The following PROSER3 variants were observed in gnomAD, a reference collection of about 807,000 sequenced individuals.
PROSER3 encodes proline and serine rich 3.
Under a neutral mutation model 50.2 loss-of-function variants are expected in PROSER3, and 33 were observed. The ratio of observed to expected loss-of-function variants is 0.66; its 90% CI spans 0.50 to 0.88. PROSER3 has a LOEUF of 0.88. Ranked by LOEUF, PROSER3 falls within the 40% of genes least tolerant of loss-of-function variation. PROSER3 has a pLI of 0.00. For synonymous variants in PROSER3, 266 were observed against 259.3 expected, an observed-to-expected ratio of 1.03 and a Z score of -0.25; for missense variants, 623 against 612.7, an observed-to-expected ratio of 1.02 and a Z score of -0.18.
At chr19:35,766,800 A>C (rs982307860) in exon 8 of PROSER3, 6 of 1,547,716 alleles carry the variant, frequency 3.9e-6, no homozygotes, top group East Asian at 4.9e-5. Flanking sequence ...CCAGACCCCC[A>C]CCCCTGCTCC....
chr19:35,766,768 C>T (rs1461796153), exon 8 of PROSER3: 3 of 1,546,314 alleles, frequency 1.9e-6, no homozygotes, highest in East Asian at 2.4e-5. Flanking sequence ...CCCCCTACAG[C>T]ATCCCCGGCA....
At chr19:35,763,906 G>C (rs1417665813) in intron 5 of PROSER3, among the ~76,000 whole-genome samples, 1 of 148,802 alleles carries the variant, frequency 6.7e-6, no homozygotes, top group African/African-American at 2.5e-5. Context: ...TGCAACCTTC[G>C]CCTCCTGAGT....
chr19:35,768,362 T>C (rs780741151), intron 10 of PROSER3, 42 bp from the exon 11 acceptor site: 2 of 1,585,770 alleles, frequency 1.3e-6, no homozygotes, highest in South Asian at 2.2e-5. Flanking sequence ...ATTCTAAGCC[T>C]GAGCACATAC....
chr19:35,761,048 A>G (rs868349015), intron 3 of PROSER3, among the ~76,000 whole-genome samples: 2 of 152,208 alleles, frequency 1.3e-5, no homozygotes, highest in Admixed American at 6.5e-5. Flanking sequence ...GACACAGGTT[A>G]CTTCTGTCTT....
exon 11 of PROSER3, chr19:35,768,436 A>G (rs758053604): frequency 1.3e-6 from 2 of 1,597,772 alleles, no homozygotes; most frequent in Middle Eastern, 1.7e-4. Flanking sequence ...TTCCTGTTGG[A>G]CCAGGCTGAA....
chr19:35,762,103 G>A lies in PROSER3; in HGVS notation c.396G>A (p.Trp132Ter). ...GCCCAACCCCAGCTGACTTTTGGTG[G>A]CTGCAGTCTGACTCTCCAGACCCCA... is the stretch of plus-strand genomic sequence containing the variant. The change falls in exon 4 of 11, where the codon TGG becomes TGA. Residue 132 changes from tryptophan (W) to a stop codon, truncating the protein, a stop_gained. Transcript: ENST00000396908. LOFTEE classifies it high-confidence loss of function. 6.2e-7 allele frequency: 1 copy of A among 1,609,992 alleles called. No homozygotes were observed. The highest frequency in any genetic ancestry group is 2.2e-5 in the East Asian group (1 of 44,726).
At chr19:35,767,570 C>T in intron 8 of PROSER3, 1 of 573,448 alleles carries the variant, frequency 1.7e-6, no homozygotes, top group Non-Finnish European at 3.1e-6. Flanking sequence ...GAGCAGAGCC[C>T]CTCGCCCAGA....
exon 5 of PROSER3, chr19:35,762,309 G>A (rs117581172): frequency 1.3e-5 from 21 of 1,611,054 alleles, no homozygotes; most frequent in African/African-American, 2.7e-5. Flanking sequence ...TGCGGTCAAC[G>A]TGACCAGTGC....
At chr19:35,765,384 G>A (rs895951973) in intron 7 of PROSER3, among the ~76,000 whole-genome samples, 3 of 152,150 alleles carry the variant, frequency 2.0e-5, no homozygotes, top group Non-Finnish European at 2.9e-5. Context: ...CCAATGTGGC[G>A]AAACCCGGTA....
In PROSER3 at chr19:35,767,053, C is replaced by T. The variant is rs1461392870; in HGVS notation, c.957+98C>T. 3 of 1,369,738 alleles carry T rather than the reference C, an allele frequency of 2.2e-6. No homozygotes were observed. The African/African-American group carries it at 4.4e-5, about 20-fold the overall frequency. The allele number at this position is 1,369,738 out of a possible 1,614,324, so 84.8% of individuals were successfully genotyped here. On this transcript the variant is annotated intron_variant, in intron 8 of 10. Coordinates refer to ENST00000396908, the Ensembl canonical transcript of PROSER3. ...CACCCTCTCTCTCTCTGTCTCAGAT[C>T]TCTCTTATCTGTCTACAGACCTCTC...
chr19:35,758,348 A>G (rs1970838680), intron 1 of PROSER3, 122 bp downstream of exon 1: 7 of 1,280,024 alleles, frequency 5.5e-6, no homozygotes, highest in Non-Finnish European at 6.2e-6. Context: ...CACTGGAACT[A>G]CAATTCCCAA....
intron 3 of PROSER3, 21 bp from the exon 4 acceptor site, chr19:35,761,998 C>G (rs771404443): frequency 9.5e-6 from 15 of 1,575,590 alleles, no homozygotes; most frequent in Non-Finnish European, 1.2e-5. Context: ...CCACTCACCT[C>G]CTATCCCCTG....
At chr19:35,769,996 G>C (rs1214165900), downstream of PROSER3, 2 of 152,134 alleles carry the variant, frequency 1.3e-5, no homozygotes, top group African/African-American at 4.8e-5. Flanking sequence ...CCTCTGCCTT[G>C]CAGGTTCAAG....
chr19:35,765,248 G>A, intron 7 of PROSER3, 72 bp downstream of exon 7: 1 of 1,517,488 alleles, frequency 6.6e-7, no homozygotes, highest in South Asian at 1.2e-5. Context: ...CCAGCTATGG[G>A]ACTTTGGGCC....
exon 11 of PROSER3, chr19:35,768,631 GA>G: frequency 6.8e-7 from 1 of 1,476,520 alleles, no homozygotes; most frequent in Non-Finnish European, 8.9e-7. Context: ...GGGTTGTTTG[GA>G]AAGGCCAAGG....
chr19:35,766,799 C>T, exon 8 of PROSER3: 4 of 1,551,028 alleles, frequency 2.6e-6, no homozygotes, highest in South Asian at 1.2e-5. Flanking sequence ...CCCAGACCCC[C>T]ACCCCTGCTC....
At chr19:35,765,215 G>A (rs974156587) in intron 7 of PROSER3, 39 bp downstream of exon 7, 3 of 1,596,682 alleles carry the variant, frequency 1.9e-6, no homozygotes, top group Admixed American at 1.7e-5. Context: ...CAGCCTGGGT[G>A]CAAATCCCAA....
rs1452036280 is a variant in PROSER3 at position 35,768,131 on chromosome 19, C to T, written c.1220-24C>T. On this transcript the variant is annotated intron_variant, in intron 9 of 10. Transcript: ENST00000396908. ...CCCCTAAGAGGCCGGCCCCTTGGAG[C>T]TCATTCTTTTCTCCCCGGCCCAGAC... is the stretch of plus-strand genomic sequence containing the variant. The T allele has an allele frequency of 3.1e-6, 5 of 1,610,234 alleles. No homozygotes were observed. In the South Asian group the frequency reaches 3.3e-5, roughly 11 times the overall value.
chr19:35,764,947 C>T lies in PROSER3; in HGVS notation c.626+11C>T. 1.2e-6 allele frequency: 2 copies of T among 1,613,454 alleles called. No homozygotes were observed. The highest frequency in any genetic ancestry group is 1.1e-5 in the South Asian group (1 of 91,074). On this transcript the variant is annotated intron_variant, in intron 6 of 10. Coordinates refer to ENST00000396908, the Ensembl canonical transcript of PROSER3. ...GCTGCTCAAACGCAGGTGCCCGCAC[C>T]CCTGCCCCCATCACCCTTCCTACTG...
Sources: gnomAD v4.1 joint callset for allele counts (sites outside exome capture counted in the v4.1 genomes callset) on GRCh38, gnomAD v4.1.1 for gene constraint, MANE v1.5 for transcripts, NCBI Gene and HGNC (gene_info 2026-07-23, HGNC 2026-07-21) for gene names.